RBFOX1: variants seen among roughly 807,000 people sequenced by gnomAD.
RBFOX1 encodes RNA binding protein fox-1 homolog 1.
A neutral mutation model predicts 57.7 loss-of-function variants in RBFOX1; 8 were observed. The observed-to-expected ratio is 0.14, with a 90% CI of 0.08 to 0.25. The LOEUF (loss-of-function observed/expected upper bound fraction) is 0.25. RBFOX1 is among the 10% of genes least tolerant of loss of function. The pLI is 1.00. For missense variants in RBFOX1, 611 were observed against 548.5 expected (o/e 1.11, Z -1.14); for synonymous variants, 326 against 222.4 (o/e 1.47, Z -4.15).
chr16:6,019,870 C>G lies in RBFOX1; in HGVS notation c.-249C>G. On this transcript the variant is annotated 5_prime_UTR_variant, in exon 1 of 16. Coordinates refer to ENST00000550418, the MANE Select transcript of RBFOX1 (RefSeq NM_018723.4). This position sits in a 1 kb window ranked among gnomAD's most constrained non-coding sequence, Gnocchi z 4.2. ...GAAGTTGCGGACAGTGCGTGAGAAA[C>G]CAGCACCCCCTTCCGCCGCCTCCAG... 2 of 1,534,284 alleles carry G rather than the reference C, an allele frequency of 1.3e-6. No homozygotes were observed. The highest frequency in any genetic ancestry group is 1.7e-6 in the Non-Finnish European group (2 of 1,146,158).
intron 3 of RBFOX1, among the ~76,000 whole-genome samples, chr16:6,889,578 T>C (rs749502253): frequency 1.2e-4 from 19 of 152,104 alleles, no homozygotes; most frequent in South Asian, 2.1e-4. Flanking sequence ...TTGCAACATA[T>C]ACATGTCGAA....
At chr16:7,157,502 G>T (rs1195028616) in intron 4 of RBFOX1, among the ~76,000 whole-genome samples, 1 of 152,096 alleles carries the variant, frequency 6.6e-6, no homozygotes, top group Non-Finnish European at 1.5e-5. Flanking sequence ...GGATTCGTTG[G>T]GGGCCTGTGG....
chr16:6,676,145 CA>C (rs1427224001), intron 3 of RBFOX1, among the ~76,000 whole-genome samples: 1 of 2,772 alleles, frequency 3.6e-4, no homozygotes, highest in African/African-American at 7.1e-4. Context: ...CACACGCGCA[CA>C]CACACACACA....
chr16:7,424,608 G>C (rs929440364), intron 4 of RBFOX1, among the ~76,000 whole-genome samples: 4 of 152,250 alleles, frequency 2.6e-5, no homozygotes, highest in East Asian at 1.9e-4. Flanking sequence ...GTAAGGACTT[G>C]ATGTTTACAT....
chr16:7,112,378 ATTT>A (rs5815373), intron 4 of RBFOX1, among the ~76,000 whole-genome samples: 1 of 139,350 alleles, frequency 7.2e-6, no homozygotes, highest in African/African-American at 2.7e-5. Context: ...AATTTTTTGT[ATTT>A]TTTTTTTTTT....
chr16:5,956,251 G>A (rs925797351), intron 4 of RBFOX1, among the ~76,000 whole-genome samples: 2 of 152,114 alleles, frequency 1.3e-5, no homozygotes, highest in African/African-American at 4.8e-5. Flanking sequence ...ACTGCATCCT[G>A]GGCGATGGAG....
At chr16:6,263,307 A>G (rs1306334607) in intron 1 of RBFOX1, among the ~76,000 whole-genome samples, 2 of 152,158 alleles carry the variant, frequency 1.3e-5, no homozygotes, top group Admixed American at 1.3e-4. Context: ...ATTGAATTTG[A>G]GCATTGAGAA....
chr16:6,490,080 C>T (rs1328040082), intron 2 of RBFOX1, among the ~76,000 whole-genome samples: 2 of 152,170 alleles, frequency 1.3e-5, no homozygotes, highest in Admixed American at 6.5e-5. Context: ...TTGATCTCAG[C>T]TAATGCCAGG....
intron 2 of RBFOX1, among the ~76,000 whole-genome samples, chr16:6,629,013 G>C (rs565790396): frequency 4.6e-5 from 7 of 152,286 alleles, no homozygotes; most frequent in Admixed American, 4.6e-4. Flanking sequence ...CTGGGTGACA[G>C]AGTAAGACTC....
At chr16:5,370,002 A>G (rs2065817719) in intron 1 of RBFOX1, among the ~76,000 whole-genome samples, 1 of 152,238 alleles carries the variant, frequency 6.6e-6, no homozygotes, top group Non-Finnish European at 1.5e-5. Context: ...GATGGAGACA[A>G]AGTTCCTCCT....
rs74006962 is a variant in RBFOX1 at position 6,226,783 on chromosome 16, C to T, written c.-126-90212C>T. The stretch of plus-strand genomic sequence containing the variant: ...AATGAAGTTGTAACAGTATATGCCT[C>T]ATGTGTTTCCTGTGATAATTCAACA... On this transcript the variant is annotated intron_variant, in intron 1 of 15. Transcript: ENST00000550418. 3.1e-3 allele frequency among the ~76,000 whole-genome samples: 465 copies of T among 152,020 alleles called. 1 individual carries two copies. Among genetic ancestry groups the T allele is most frequent in the African/African-American group, 0.01 (421 of 41,452 alleles).
intron 3 of RBFOX1, among the ~76,000 whole-genome samples, chr16:7,005,843 C>A (rs1489397738): frequency 6.6e-6 from 1 of 152,186 alleles, no homozygotes; most frequent in African/African-American, 2.4e-5. Flanking sequence ...TCACCGACTA[C>A]AGCTTTCGCT....
At chr16:5,446,325 A>G (rs1285831506) in intron 1 of RBFOX1, among the ~76,000 whole-genome samples, 1 of 152,184 alleles carries the variant, frequency 6.6e-6, no homozygotes, top group Admixed American at 6.5e-5. Context: ...AAAGGAAGGT[A>G]TGCATCCTCA....
chr16:5,978,721 T>C (rs1174823188), intron 4 of RBFOX1, among the ~76,000 whole-genome samples: 1 of 151,914 alleles, frequency 6.6e-6, no homozygotes, highest in Non-Finnish European at 1.5e-5. Flanking sequence ...GATGACAGTG[T>C]TGAGGGGTAC....
At chr16:7,346,082 G>GT (rs544748978) in intron 4 of RBFOX1, among the ~76,000 whole-genome samples, 145 of 152,058 alleles carry the variant, frequency 9.5e-4, no homozygotes, top group Non-Finnish European at 1.9e-3. Flanking sequence ...GCGGTGTTTG[G>GT]TTTTTTGTCC....
chr16:6,214,464 CAG>C (rs1167876643), intron 1 of RBFOX1, among the ~76,000 whole-genome samples: 5 of 83,846 alleles, frequency 6.0e-5, no homozygotes, highest in Admixed American at 1.5e-4. Context: ...GGGAGAGCGA[CAG>C]GGAGAAAAGG....
At chr16:5,445,210 C>T (rs116828820) in intron 1 of RBFOX1, among the ~76,000 whole-genome samples, 5 of 152,072 alleles carry the variant, frequency 3.3e-5, no homozygotes, top group Non-Finnish European at 4.4e-5. Context: ...TTGTGAGGGA[C>T]GTGGGAGTAG....
rs531485510 is a variant in RBFOX1 at position 7,382,711 on chromosome 16, G to A, written c.28-135436G>A. Among the ~76,000 whole-genome samples, 17 of 152,302 alleles carry A rather than the reference G, an allele frequency of 1.1e-4. No individual in the cohort carries two copies. In the East Asian group the frequency reaches 1.9e-3, roughly 17 times the overall value. On this transcript the variant is annotated intron_variant, in intron 4 of 15. Coordinates refer to ENST00000550418, the MANE Select transcript of RBFOX1 (RefSeq NM_018723.4). ...CAGAGGATAGTCACCTAATTAAAACGTTAATACACATCCCGCTATTTGTAT... is the reference window on the plus strand; with the variant it reads ...CAGAGGATAGTCACCTAATTAAAACATTAATACACATCCCGCTATTTGTAT...
At chr16:5,246,411 T>A (rs1444745020) in intron 1 of RBFOX1, among the ~76,000 whole-genome samples, 1 of 152,216 alleles carries the variant, frequency 6.6e-6, no homozygotes, top group South Asian at 2.1e-4. Flanking sequence ...ACAAAATGGC[T>A]AAATCAAGCT....
Sources: gnomAD v4.1 joint callset for allele counts (sites outside exome capture counted in the v4.1 genomes callset) on GRCh38, gnomAD v4.1.1 for gene constraint, Gnocchi (gnomAD v3.1) non-coding constraint, MANE v1.5 for transcripts, NCBI Gene and HGNC (gene_info 2026-07-23, HGNC 2026-07-21) for gene names.